The following SYTL3 variants were observed in gnomAD, a reference collection of about 807,000 sequenced individuals.
The protein encoded by SYTL3 is synaptotagmin like 3.
Under a neutral mutation model 82.1 loss-of-function variants are expected in SYTL3, and 88 were observed. That is an observed-to-expected ratio of 1.07 (90% CI 0.90 to 1.28). The LOEUF (loss-of-function observed/expected upper bound fraction) is 1.28, where lower values mean the gene tolerates loss of function less well. Ranked by LOEUF, SYTL3 falls within the 50% of genes most tolerant of loss-of-function variation. The pLI is 0.00. For synonymous variants in SYTL3, 311 were observed against 289.4 expected, an observed-to-expected ratio of 1.07 and a Z score of -0.76; for missense variants, 831 against 757.6, an observed-to-expected ratio of 1.10 and a Z score of -1.14.
chr6:158,729,771 T>G (rs1270951996), intron 11 of SYTL3, among the ~76,000 whole-genome samples: 3 of 152,022 alleles, frequency 2.0e-5, no homozygotes, highest in African/African-American at 7.2e-5. Context: ...TTTCACCGTG[T>G]TAGCCAGGAT....
intron 12 of SYTL3, among the ~76,000 whole-genome samples, chr6:158,750,665 A>G (rs1051057873): frequency 6.6e-6 from 1 of 152,028 alleles, no homozygotes; most frequent in Non-Finnish European, 1.5e-5. Flanking sequence ...CTACAGGTGC[A>G]CACCACCACA....
intron 5 of SYTL3, among the ~76,000 whole-genome samples, chr6:158,678,208 T>C (rs1415588372): frequency 1.3e-5 from 2 of 152,204 alleles, no homozygotes; most frequent in East Asian, 3.8e-4. Context: ...TTCATGTGTC[T>C]AAAGGATCTC....
intron 2 of SYTL3, among the ~76,000 whole-genome samples, chr6:158,652,552 T>A (rs1030945198): frequency 6.6e-6 from 1 of 151,638 alleles, no homozygotes; most frequent in Non-Finnish European, 1.5e-5. Context: ...CCCGGCCTTA[T>A]TTATTTTTTT....
chr6:158,762,061 T>C lies in SYTL3; in HGVS notation c.1415-15T>C. 1 of 1,599,328 alleles carries C rather than the reference T, an allele frequency of 6.3e-7. No homozygotes were observed. The highest frequency in any genetic ancestry group is 8.6e-7 in the Non-Finnish European group (1 of 1,167,340). On this transcript the variant is annotated splice_polypyrimidine_tract_variant and intron_variant, in intron 15 of 17. Transcript: ENST00000611299. ...GGAGACATGGTTTGACAGTGAATAC[T>C]GGCTTTCCTTCCAGGGACAGATCAG...
chr6:158,754,814 G>C (rs963131973), intron 13 of SYTL3, among the ~76,000 whole-genome samples: 1 of 152,246 alleles, frequency 6.6e-6, no homozygotes, highest in African/African-American at 2.4e-5. Flanking sequence ...AAGGACCCAG[G>C]AGAAGTGGCT....
At chr6:158,734,094 C>CAAAA (rs560547617) in intron 11 of SYTL3, among the ~76,000 whole-genome samples, 1,729 of 73,554 alleles carry the variant, frequency 0.024, 106 homozygotes, top group African/African-American at 0.088. Flanking sequence ...GACCCTGTCT[C>CAAAA]AAAAAAAAAA....
chr6:158,687,111 A>G (rs1052857566), intron 6 of SYTL3, among the ~76,000 whole-genome samples: 1 of 152,224 alleles, frequency 6.6e-6, no homozygotes, highest in African/African-American at 2.4e-5. Flanking sequence ...GCCTCTTTCC[A>G]CGCACTGGTT....
intron 8 of SYTL3, among the ~76,000 whole-genome samples, chr6:158,710,523 A>AAAATGGTAAAAGTTAAAACTCT (rs1401246831): frequency 3.3e-5 from 5 of 152,206 alleles, no homozygotes; most frequent in African/African-American, 1.2e-4. Flanking sequence ...TCAAAAAAAA[A>AAAATGGTAAAAGTTAAAACTCT]AAAATGCATA....
chr6:158,730,763 A>G (rs1193675117), intron 11 of SYTL3, among the ~76,000 whole-genome samples: 2 of 152,130 alleles, frequency 1.3e-5, no homozygotes, highest in Non-Finnish European at 2.9e-5. Flanking sequence ...GACTAAGGAA[A>G]GAAAAGCTGC....
At chr6:158,700,109 A>G (rs1781011739) in intron 6 of SYTL3, among the ~76,000 whole-genome samples, 1 of 151,628 alleles carries the variant, frequency 6.6e-6, no homozygotes, top group Non-Finnish European at 1.5e-5. Context: ...ATACAAAAGT[A>G]GCCAGGCGTG....
intron 16 of SYTL3, among the ~76,000 whole-genome samples, chr6:158,762,604 T>C (rs1790122707): frequency 6.6e-6 from 1 of 152,082 alleles, no homozygotes. Context: ...GTCAGTGACA[T>C]AGGGAAAAAT....
intron 11 of SYTL3, among the ~76,000 whole-genome samples, chr6:158,728,008 T>C (rs1784944157): frequency 6.6e-6 from 1 of 152,154 alleles, no homozygotes; most frequent in Non-Finnish European, 1.5e-5. Flanking sequence ...ACTTTGAGAG[T>C]GGTTTTCTTT....
chr6:158,690,388 A>T (rs1779736517), intron 6 of SYTL3, among the ~76,000 whole-genome samples: 1 of 152,220 alleles, frequency 6.6e-6, no homozygotes, highest in African/African-American at 2.4e-5. Flanking sequence ...CTAAAGCTAA[A>T]TGTAACATTC....
At chr6:158,674,079 G>A (rs1324436105) in intron 5 of SYTL3, among the ~76,000 whole-genome samples, 1 of 113,064 alleles carries the variant, frequency 8.8e-6, no homozygotes, top group Admixed American at 9.9e-5. Context: ...GTGAGACTGT[G>A]TCTCAAAATA....
chr6:158,753,459 G>A (rs1400905203), intron 13 of SYTL3, among the ~76,000 whole-genome samples: 5 of 151,984 alleles, frequency 3.3e-5, no homozygotes, highest in African/African-American at 9.7e-5. Flanking sequence ...GGCCGGGCGC[G>A]GTGGCTCACG....
chr6:158,747,731 C>G (rs1490895572), intron 12 of SYTL3, among the ~76,000 whole-genome samples: 1 of 152,200 alleles, frequency 6.6e-6, no homozygotes, highest in East Asian at 1.9e-4. Flanking sequence ...AAGCCATCCT[C>G]ACACCTCAGC....
intron 6 of SYTL3, among the ~76,000 whole-genome samples, chr6:158,683,858 C>T (rs376871410): frequency 2.0e-5 from 3 of 152,148 alleles, no homozygotes; most frequent in East Asian, 3.9e-4. Flanking sequence ...GCGCATGTTG[C>T]GGTAATATGG....
chr6:158,693,828 A>C (rs1780221041), intron 6 of SYTL3, among the ~76,000 whole-genome samples: 1 of 124,242 alleles, frequency 8.0e-6, no homozygotes, highest in African/African-American at 3.2e-5. Flanking sequence ...CAGGTGTGCC[A>C]CTGCATCCAG....
intron 11 of SYTL3, chr6:158,725,876 C>T (rs2128481501): frequency 2.9e-6 from 2 of 692,326 alleles, no homozygotes; most frequent in East Asian, 2.7e-5. Flanking sequence ...GATTCATTAT[C>T]AATCCACTCC....
Sources: allele counts gnomAD v4.1 joint callset (sites outside exome capture counted in the v4.1 genomes callset), GRCh38; gene constraint gnomAD v4.1.1; transcripts MANE v1.5; gene names NCBI Gene and HGNC (gene_info 2026-07-23, HGNC 2026-07-21).